The following GRIK2 variants were observed in gnomAD, a reference collection of about 807,000 sequenced individuals.
GRIK2 encodes the protein glutamate ionotropic receptor kainate type subunit 2.
A neutral mutation model predicts 100.3 loss-of-function variants in GRIK2; 32 were observed. That is an observed-to-expected ratio of 0.32 (90% CI 0.24 to 0.43). The LOEUF is 0.43. GRIK2 is among the 20% of genes least tolerant of loss of function. The probability of loss-of-function intolerance (pLI) is 1.00; values close to 1 mark genes in which losing one functional copy is unlikely to be tolerated. For missense variants in GRIK2, 843 were observed against 1,114.9 expected (o/e 0.76, Z 3.47); for synonymous variants, 417 against 389.4 (o/e 1.07, Z -0.83).
chr6:101,420,006 A>G (rs921993194), intron 2 of GRIK2, among the ~76,000 whole-genome samples: 10 of 152,230 alleles, frequency 6.6e-5, no homozygotes, highest in Admixed American at 5.2e-4. Context: ...TCTAACCTCT[A>G]GAGTGCAGCC....
chr6:101,751,560 A>G (rs1457890776), intron 7 of GRIK2, among the ~76,000 whole-genome samples: 3 of 152,164 alleles, frequency 2.0e-5, no homozygotes, highest in Admixed American at 2.0e-4. Flanking sequence ...AACATCATCA[A>G]ATATACAATG....
chr6:101,832,870 A>T (rs1253297497), intron 10 of GRIK2, among the ~76,000 whole-genome samples: 1 of 152,182 alleles, frequency 6.6e-6, no homozygotes, highest in Non-Finnish European at 1.5e-5. Context: ...AGCTATCCTC[A>T]TTACTACTGT....
At chr6:101,662,457 T>C (rs1486794560) in intron 4 of GRIK2, among the ~76,000 whole-genome samples, 1 of 152,174 alleles carries the variant, frequency 6.6e-6, no homozygotes, top group South Asian at 2.1e-4. Flanking sequence ...TCCTGAATTA[T>C]GTTTTAACTG....
At chr6:101,784,324 G>A (rs1779290966) in intron 7 of GRIK2, among the ~76,000 whole-genome samples, 1 of 152,234 alleles carries the variant, frequency 6.6e-6, no homozygotes, top group East Asian at 1.9e-4. Flanking sequence ...AGCTCGGGCT[G>A]TTGCTGGGAA....
chr6:102,006,014 A>C (rs1380547634), intron 14 of GRIK2, among the ~76,000 whole-genome samples: 3 of 151,980 alleles, frequency 2.0e-5, no homozygotes, highest in Non-Finnish European at 4.4e-5. Context: ...ATTAAGGTGC[A>C]CTGCGATGGC....
intron 2 of GRIK2, among the ~76,000 whole-genome samples, chr6:101,483,353 G>C (rs1158090182): frequency 6.6e-6 from 1 of 152,134 alleles, no homozygotes; most frequent in Non-Finnish European, 1.5e-5. Flanking sequence ...TAAGCAATAA[G>C]TTTGGATTAT....
intron 4 of GRIK2, among the ~76,000 whole-genome samples, chr6:101,635,731 C>T (rs1780973099): frequency 6.6e-6 from 1 of 152,046 alleles, no homozygotes; most frequent in East Asian, 1.9e-4. Context: ...ATTTTTGTGG[C>T]CAACAAACAT....
At chr6:101,436,691 C>T (rs1769738139) in intron 2 of GRIK2, among the ~76,000 whole-genome samples, 1 of 151,778 alleles carries the variant, frequency 6.6e-6, no homozygotes, top group African/African-American at 2.4e-5. Context: ...TTTTGTAGAA[C>T]TAAATCACCA....
At chr6:101,526,838 G>T (rs186213717) in intron 2 of GRIK2, among the ~76,000 whole-genome samples, 1 of 152,072 alleles carries the variant, frequency 6.6e-6, no homozygotes, top group African/African-American at 2.4e-5. Flanking sequence ...CCCGGGGTTC[G>T]GAGGAGGCAA....
intron 14 of GRIK2, among the ~76,000 whole-genome samples, chr6:102,027,568 TTG>T (rs397886417): frequency 6.6e-6 from 1 of 151,124 alleles, no homozygotes; most frequent in Non-Finnish European, 1.5e-5. Flanking sequence ...GGATGTGTTG[TTG>T]TTATGACATT....
intron 14 of GRIK2, among the ~76,000 whole-genome samples, chr6:101,958,283 G>GTGTGTGTGTGT (rs71028091): frequency 2.0e-5 from 3 of 150,746 alleles, no homozygotes; most frequent in Non-Finnish European, 3.0e-5. Flanking sequence ...GTGTGTGTGT[G>GTGTGTGTGTGT]GGTCCATTGC....
chr6:101,784,596 T>A (rs1332058613), intron 7 of GRIK2, among the ~76,000 whole-genome samples: 4 of 152,170 alleles, frequency 2.6e-5, no homozygotes, highest in Non-Finnish European at 4.4e-5. Context: ...CACCCAAATC[T>A]CATCTCAAAT....
At chr6:101,695,715 A>G (rs185705200) in intron 7 of GRIK2, among the ~76,000 whole-genome samples, 111 of 152,208 alleles carry the variant, frequency 7.3e-4, no homozygotes, top group Non-Finnish European at 1.2e-3. Flanking sequence ...TGAAAATATC[A>G]TAAGTCAGAA....
intron 5 of GRIK2, 77 bp from the exon 6 acceptor site, chr6:101,682,476 A>G (rs1771346267): frequency 4.0e-6 from 3 of 745,106 alleles, no homozygotes; most frequent in Non-Finnish European, 2.4e-6. Flanking sequence ...ATCCTACTAT[A>G]TTTTGTTCTC....
intron 2 of GRIK2, among the ~76,000 whole-genome samples, chr6:101,473,097 T>TTCC: frequency 7.5e-6 from 1 of 133,330 alleles, no homozygotes; most frequent in South Asian, 2.6e-4. Flanking sequence ...AATCCTAGGT[T>TTCC]TTCCTTCCTT....
intron 2 of GRIK2, among the ~76,000 whole-genome samples, chr6:101,446,863 T>C (rs1770407775): frequency 6.6e-6 from 1 of 150,796 alleles, no homozygotes; most frequent in African/African-American, 2.4e-5. Flanking sequence ...TAGAGCCACC[T>C]CAATCACCGT....
At chr6:101,973,747 A>AAGTTC (rs1207068155) in intron 14 of GRIK2, among the ~76,000 whole-genome samples, 1 of 151,920 alleles carries the variant, frequency 6.6e-6, no homozygotes, top group Non-Finnish European at 1.5e-5. Flanking sequence ...GTGTTACTCA[A>AAGTTC]AGTTCATTCT....
chr6:101,760,574 TTAATTATATATAATTATATA>T lies in GRIK2; in HGVS notation c.952-39054_952-39035del, dbSNP rs1199595461. On this transcript the variant is annotated intron_variant, in intron 7 of 16. Transcript: ENST00000369134. ...ATTATATATAATTAATTATATTTAA[TTAATTATATATAATTATATA>T]TAATTATATATAATTATATTTAATT... Among the ~76,000 whole-genome samples, 180 of 83,316 alleles carry T rather than the reference TTAATTATATATAATTATATA, an allele frequency of 2.2e-3. 3 individuals carry two copies. The highest frequency in any genetic ancestry group is 0.011 in the African/African-American group (152 of 13,972). The allele number at this position is 83,316 out of a possible 152,430, so 54.7% of individuals were successfully genotyped here.
chr6:101,941,506 T>G (rs1582581783), intron 14 of GRIK2, among the ~76,000 whole-genome samples: 1 of 152,088 alleles, frequency 6.6e-6, no homozygotes, highest in East Asian at 1.9e-4. Flanking sequence ...TTTTTTTTTC[T>G]TAATAGTAAA....
Sources: allele counts gnomAD v4.1 joint callset (sites outside exome capture counted in the v4.1 genomes callset), GRCh38; gene constraint gnomAD v4.1.1; transcripts MANE v1.5; gene names NCBI Gene and HGNC (gene_info 2026-07-23, HGNC 2026-07-21).